Variants in ELF2 observed in about 807,000 individuals in gnomAD.
ELF2 encodes the protein ETS-related transcription factor Elf-2.
In ELF2, 11 loss-of-function variants were observed where a neutral mutation model predicts 54.8. The observed-to-expected ratio is 0.20, with a 90% CI of 0.13 to 0.33. ELF2 has a LOEUF of 0.33. Ranked by LOEUF, ELF2 falls within the 10% of genes least tolerant of loss-of-function variation. The pLI is 1.00. For missense variants in ELF2, 513 were observed against 703.0 expected, an observed-to-expected ratio of 0.73 and a Z score of 3.06; for synonymous variants, 203 against 245.1, an observed-to-expected ratio of 0.83 and a Z score of 1.61.
chr4:139,156,317 A>C (rs1740530591), intron 1 of ELF2, among the ~76,000 whole-genome samples: 1 of 152,048 alleles, frequency 6.6e-6, no homozygotes, highest in Admixed American at 6.6e-5. Context: ...CTGGGACTAC[A>C]GGCACCCGCC....
intron 6 of ELF2, among the ~76,000 whole-genome samples, chr4:139,070,208 A>C (rs1289052345): frequency 6.6e-6 from 1 of 152,100 alleles, no homozygotes; most frequent in Admixed American, 6.6e-5. Context: ...AAATTGGCAA[A>C]GTATTTCCTG....
Position 139,108,124 on chromosome 4 carries a change from T to A in ELF2, c.238+17040A>T, listed in dbSNP as rs185618421. ...GATGATAGGCTGTCATTAAATTTTT[T>A]AAAAAAGAAATGACAAAGTACATTT... On this transcript the variant is annotated intron_variant, in intron 4 of 9. Coordinates refer to ENST00000686138, the MANE Select transcript of ELF2 (RefSeq NM_001331036.3). 7.2e-5 allele frequency among the ~76,000 whole-genome samples: 11 copies of A among 152,302 alleles called. No homozygotes were observed. The East Asian group carries it at 2.1e-3, about 29-fold the overall frequency.
chr4:139,123,347 AC>A lies in ELF2; in HGVS notation c.238+1816del, dbSNP rs199774522. On this transcript the variant is annotated intron_variant, in intron 4 of 9. Coordinates refer to ENST00000686138, the MANE Select transcript of ELF2 (RefSeq NM_001331036.3). The stretch of plus-strand genomic sequence containing the variant: ...TATTCAAAAACCACTTACAAAAAAA[AC>A]AAATCACAAAAGTAACTTATTTTAC... Among the ~76,000 whole-genome samples the A allele has an allele frequency of 5.0e-3, 767 of 152,290 alleles. 8 individuals carry two copies. Among genetic ancestry groups the A allele is most frequent in the African/African-American group, 0.017 (720 of 41,558 alleles).
intron 4 of ELF2, among the ~76,000 whole-genome samples, chr4:139,110,696 T>C (rs753620029): frequency 7.0e-6 from 1 of 143,278 alleles, no homozygotes; most frequent in Non-Finnish European, 1.6e-5. Flanking sequence ...CTTAAACAAC[T>C]GCACTGCTTA....
chr4:139,091,776 A>G (rs1429742806), intron 4 of ELF2, among the ~76,000 whole-genome samples: 1 of 152,136 alleles, frequency 6.6e-6, no homozygotes, highest in Non-Finnish European at 1.5e-5. Flanking sequence ...CACTGTACCT[A>G]GCCAGAAAAT....
chr4:139,170,367 C>A (rs1184218189), intron 1 of ELF2, among the ~76,000 whole-genome samples: 2 of 145,070 alleles, frequency 1.4e-5, no homozygotes, highest in Non-Finnish European at 3.0e-5. Context: ...CGGGTTCAAG[C>A]GATTCTCTGT....
chr4:139,090,631 G>C (rs1233136999), intron 4 of ELF2, among the ~76,000 whole-genome samples: 2 of 152,280 alleles, frequency 1.3e-5, no homozygotes. Flanking sequence ...GTCTGGCTCT[G>C]TCATCCATGC....
chr4:139,153,497 C>T (rs1007858317), intron 1 of ELF2, among the ~76,000 whole-genome samples: 5 of 152,058 alleles, frequency 3.3e-5, no homozygotes, highest in Middle Eastern at 3.4e-3. Context: ...GACCTCCAAA[C>T]TCACTATCCC....
intron 4 of ELF2, chr4:139,101,522 C>CA (rs1733873363): frequency 6.6e-6 from 1 of 152,130 alleles, no homozygotes; most frequent in Admixed American, 6.6e-5. Context: ...TTGTGGCCTC[C>CA]AAAAACAAAT....
At chr4:139,134,564 GTTA>G (rs1737903358) in intron 3 of ELF2, among the ~76,000 whole-genome samples, 1 of 146,386 alleles carries the variant, frequency 6.8e-6, no homozygotes, top group African/African-American at 2.6e-5. Context: ...TTTATTTTAT[GTTA>G]TTTTATTTTA....
Position 139,073,442 on chromosome 4 carries a change from C to A in ELF2, c.352+12G>T. 2 of 1,562,992 alleles carry A rather than the reference C, an allele frequency of 1.3e-6. No individual in the cohort carries two copies. The highest frequency in any genetic ancestry group is 1.4e-5 in the African/African-American group (1 of 73,234). On this transcript the variant is annotated intron_variant, in intron 5 of 9. Transcript: ENST00000686138. ...ATGACACGTTTAACATAAGAATGAA[C>A]AGTTTACATACCAGGACTTCTTGAA...
chr4:139,104,302 G>C (rs777023424), intron 4 of ELF2, among the ~76,000 whole-genome samples: 18 of 152,200 alleles, frequency 1.2e-4, no homozygotes, highest in African/African-American at 1.7e-4. Flanking sequence ...TTGAGGTCAG[G>C]AGTTCGAGAC....
Position 139,083,182 on chromosome 4 carries a change from G to C in ELF2, c.239-9615C>G, listed in dbSNP as rs112914216. ...GCGCTTCCGCTGTGGTGGGAGGTTT[G>C]GGGGGGGGTAGAGGGGAAGGGGGCA... On this transcript the variant is annotated intron_variant, in intron 4 of 9. Coordinates refer to ENST00000686138, the MANE Select transcript of ELF2 (RefSeq NM_001331036.3). Among the ~76,000 whole-genome samples, 96 of 82,548 alleles carry C rather than the reference G, an allele frequency of 1.2e-3. 1 individual carries two copies. Among genetic ancestry groups the C allele is most frequent in the African/African-American group, 3.9e-3 (91 of 23,540 alleles). The allele number at this position is 82,548 out of a possible 152,430, so 54.2% of individuals were successfully genotyped here.
intron 3 of ELF2, among the ~76,000 whole-genome samples, chr4:139,127,219 T>C (rs1737011216): frequency 6.6e-6 from 1 of 152,172 alleles, no homozygotes; most frequent in African/African-American, 2.4e-5. Flanking sequence ...TGGAGGAAGA[T>C]TACCATGGGC....
intron 4 of ELF2, among the ~76,000 whole-genome samples, chr4:139,091,954 TATATATACATATATACACTAC>T (rs1240135111): frequency 6.7e-6 from 1 of 148,582 alleles, no homozygotes; most frequent in Non-Finnish European, 1.5e-5. Context: ...TATACACACA[TATATATACATATATACACTAC>T]ATATATACAT....
chr4:139,125,379 G>T, intron 3 of ELF2, 50 bp from the exon 4 acceptor site: 3 of 1,587,046 alleles, frequency 1.9e-6, no homozygotes, highest in Non-Finnish European at 1.7e-6. Flanking sequence ...TACAAATTCT[G>T]AATTCACTTA....
chr4:139,171,113 C>G (rs1212226358), intron 1 of ELF2, among the ~76,000 whole-genome samples: 9 of 152,168 alleles, frequency 5.9e-5, no homozygotes, highest in Non-Finnish European at 1.0e-4. Context: ...ATGGGTCAGA[C>G]ACGGTGGCTC....
intron 1 of ELF2, among the ~76,000 whole-genome samples, chr4:139,174,613 G>C (rs185183977): frequency 6.6e-6 from 1 of 152,040 alleles, no homozygotes; most frequent in East Asian, 1.9e-4. Context: ...AAAAAATTAT[G>C]TCTGTAAATG....
intron 1 of ELF2, among the ~76,000 whole-genome samples, chr4:139,141,550 G>A (rs898604620): frequency 2.0e-5 from 3 of 152,156 alleles, no homozygotes; most frequent in African/African-American, 7.2e-5. Context: ...GGGACACATG[G>A]GCAGGAAATT....
Sources: allele counts gnomAD v4.1 joint callset (sites outside exome capture counted in the v4.1 genomes callset), GRCh38; gene constraint gnomAD v4.1.1; transcripts MANE v1.5; gene names NCBI Gene and HGNC (gene_info 2026-07-23, HGNC 2026-07-21).